CEP126: variants seen among roughly 807,000 people sequenced by gnomAD.
CEP126 encodes centrosomal protein 126, also known as centrosomal protein of 126 kDa.
A neutral mutation model predicts 107.8 loss-of-function variants in CEP126; 74 were observed. The ratio of observed to expected loss-of-function variants is 0.69; its 90% CI spans 0.57 to 0.83. CEP126 has a LOEUF of 0.83. Among genes scored for constraint, CEP126 ranks in the 40% least tolerant of loss-of-function variants. The pLI, the probability that CEP126 is intolerant of heterozygous loss-of-function variation, is 0.00. For missense variants in CEP126, 1,237 were observed against 1,281.9 expected, an observed-to-expected ratio of 0.96 and a Z score of 0.53; for synonymous variants, 449 against 446.0, an observed-to-expected ratio of 1.01 and a Z score of -0.08.
intron 2 of CEP126, among the ~76,000 whole-genome samples, chr11:101,942,154 AT>A (rs1349773609): frequency 1.3e-4 from 19 of 151,934 alleles, no homozygotes; most frequent in African/African-American, 4.6e-4. Context: ...CAACTTATCT[AT>A]TTTTGCTTTT....
intron 6 of CEP126, among the ~76,000 whole-genome samples, chr11:101,975,295 T>G (rs1020781161): frequency 6.6e-6 from 1 of 152,192 alleles, no homozygotes; most frequent in African/African-American, 2.4e-5. Context: ...ATTTTAGAAT[T>G]AGAATATTCT....
At position 101,962,702 on chromosome 11, in the gene CEP126, T is replaced by G; in HGVS notation, c.1667T>G (p.Val556Gly). The G allele has an allele frequency of 6.2e-7, 1 of 1,613,228 alleles. No homozygotes were observed. The highest frequency in any genetic ancestry group is 8.5e-7 in the Non-Finnish European group (1 of 1,179,710). Residue 556 changes from valine (V) to glycine (G), a missense_variant, in exon 6 of 11, where the codon GTT becomes GGT. Physicochemically the swap from Val to Gly is moderately radical, Grantham distance 109. Around this residue, in one of 3 missense-constraint regions of CEP126, gnomAD observed 1,134 missense variants for 1,150.5 expected, o/e 0.99. Coordinates refer to ENST00000263468, the MANE Select transcript of CEP126 (RefSeq NM_020802.4). ...LSNVTSNYDF[V>G]GQHKKMKYNI... is the part of the protein sequence containing the mutation. ...AATGTAACTTCTAATTATGACTTTGTTGGCCAGCATAAGAAAATGAAATAC... is the reference window on the plus strand; with the variant it reads ...AATGTAACTTCTAATTATGACTTTGGTGGCCAGCATAAGAAAATGAAATAC...
chr11:101,948,264 T>A, intron 4 of CEP126, 122 bp downstream of exon 4: 1 of 499,952 alleles, frequency 2.0e-6, no homozygotes, highest in Non-Finnish European at 3.5e-6. Flanking sequence ...ATTCTTTTAT[T>A]TTTACAGATT....
chr11:101,938,178 A>G (rs763660103), intron 2 of CEP126, among the ~76,000 whole-genome samples: 2 of 126,704 alleles, frequency 1.6e-5, no homozygotes, highest in African/African-American at 3.4e-5. Flanking sequence ...AAAAAAAAAT[A>G]CAAGAAATTG....
chr11:101,920,768 G>A (rs1940314523), intron 1 of CEP126, among the ~76,000 whole-genome samples: 1 of 151,932 alleles, frequency 6.6e-6, no homozygotes. Flanking sequence ...ACCACACCTG[G>A]CTGATTTTTG....
intron 6 of CEP126, among the ~76,000 whole-genome samples, chr11:101,976,269 A>G (rs148023889): frequency 9.8e-4 from 149 of 152,292 alleles, no homozygotes; most frequent in Non-Finnish European, 1.7e-3. Flanking sequence ...AGTAATAGCC[A>G]TTCGGGCTGG....
intron 4 of CEP126, chr11:101,956,238 C>T (rs2137106393): frequency 2.2e-6 from 1 of 456,410 alleles, no homozygotes; most frequent in South Asian, 1.5e-5. Context: ...CTAATGCCTA[C>T]CCTTGTTCGT....
chr11:101,980,716 T>G (rs1468501577), intron 7 of CEP126, among the ~76,000 whole-genome samples: 1 of 152,218 alleles, frequency 6.6e-6, no homozygotes, highest in Non-Finnish European at 1.5e-5. Context: ...TATTAGGAAA[T>G]GCATGTTATC....
At chr11:101,984,147 T>C (rs1359685648) in intron 8 of CEP126, among the ~76,000 whole-genome samples, 1 of 152,200 alleles carries the variant, frequency 6.6e-6, no homozygotes, top group African/African-American at 2.4e-5. Flanking sequence ...TAAATACATA[T>C]AAACACTTTC....
chr11:101,927,997 G>A (rs779110420), intron 2 of CEP126, among the ~76,000 whole-genome samples: 5 of 152,090 alleles, frequency 3.3e-5, no homozygotes, highest in Admixed American at 6.6e-5. Context: ...GAGTATAAGC[G>A]TGATCCAGCT....
chr11:101,932,026 T>C (rs1176631007), intron 2 of CEP126, among the ~76,000 whole-genome samples: 1 of 152,208 alleles, frequency 6.6e-6, no homozygotes, highest in African/African-American at 2.4e-5. Flanking sequence ...AGGCAGACTG[T>C]GTTTCTTCTG....
intron 4 of CEP126, among the ~76,000 whole-genome samples, chr11:101,953,810 A>G (rs929065838): frequency 9.2e-5 from 14 of 152,140 alleles, no homozygotes; most frequent in African/African-American, 3.4e-4. Context: ...ATATGTGTCA[A>G]TATAATTTTA....
At chr11:101,955,469 T>C (rs1395794903) in intron 4 of CEP126, among the ~76,000 whole-genome samples, 1 of 152,212 alleles carries the variant, frequency 6.6e-6, no homozygotes, top group Non-Finnish European at 1.5e-5. Context: ...CAGTTATCTA[T>C]TGACCTCTAT....
At chr11:101,987,067 A>T (rs374898343) in intron 9 of CEP126, 26 bp downstream of exon 9, 463 of 1,410,678 alleles carry the variant, frequency 3.3e-4, no homozygotes, top group Non-Finnish European at 4.4e-4. Context: ...CACCTTTTAT[A>T]AGAAATACTG....
chr11:101,951,833 G>C (rs997469763), intron 4 of CEP126, among the ~76,000 whole-genome samples: 2 of 152,104 alleles, frequency 1.3e-5, no homozygotes, highest in South Asian at 4.1e-4. Context: ...GAGGTGAGAG[G>C]CCAAGGCTCT....
chr11:101,937,919 C>T (rs1940608212), intron 2 of CEP126, among the ~76,000 whole-genome samples: 2 of 150,930 alleles, frequency 1.3e-5, no homozygotes, highest in South Asian at 4.2e-4. Context: ...TTTGGGAGGC[C>T]GAGGCGGGTG....
rs573339276 is a variant in CEP126, at chr11:101,980,502, TCCTTTTCAGAAG to T, written c.2959-1383_2959-1372del. On this transcript the variant is annotated intron_variant, in intron 7 of 10. Coordinates refer to ENST00000263468, the MANE Select transcript of CEP126 (RefSeq NM_020802.4). Reference sequence around the variant, plus strand: ...TTAATGTATTTAGAGCCCATTTTTGTCCTTTTCAGAAGCCTCCCTTCCACTTTCACATACAGA... The same window carrying T: ...TTAATGTATTTAGAGCCCATTTTTGTCCTCCCTTCCACTTTCACATACAGA... Among the ~76,000 whole-genome samples, 40 of 152,328 alleles carry T rather than the reference TCCTTTTCAGAAG, an allele frequency of 2.6e-4. No homozygotes were observed. In the East Asian group the frequency reaches 4.6e-3, roughly 18 times the overall value.
chr11:101,917,809 A>G (rs1424462347), intron 1 of CEP126, among the ~76,000 whole-genome samples: 2 of 152,250 alleles, frequency 1.3e-5, no homozygotes, highest in African/African-American at 2.4e-5. Context: ...ATTCTGCCTC[A>G]GCCACTCAAT....
chr11:101,989,762 A>G (rs1203050501), intron 9 of CEP126, among the ~76,000 whole-genome samples: 1 of 152,090 alleles, frequency 6.6e-6, no homozygotes, highest in African/African-American at 2.4e-5. Context: ...GATTGAGACC[A>G]TCCTGACTAA....
Sources: gnomAD v4.1 joint callset for allele counts (sites outside exome capture counted in the v4.1 genomes callset) on GRCh38, gnomAD v4.1.1 for gene constraint, gnomAD v4.1.1 regional missense constraint, MANE v1.5 for transcripts, NCBI Gene and HGNC (gene_info 2026-07-23, HGNC 2026-07-21) for gene names.